The following CBFA2T2 variants were observed in gnomAD, a reference collection of about 807,000 sequenced individuals.
The protein encoded by CBFA2T2 is protein CBFA2T2.
In CBFA2T2, 11 loss-of-function variants were observed where a neutral mutation model predicts 62.2. The ratio of observed to expected loss-of-function variants is 0.18; its 90% CI spans 0.11 to 0.29. The LOEUF (loss-of-function observed/expected upper bound fraction) is 0.29. Among genes scored for constraint, CBFA2T2 ranks in the 10% least tolerant of loss-of-function variants. The pLI, the probability that CBFA2T2 is intolerant of heterozygous loss-of-function variation, is 1.00. For missense variants in CBFA2T2, 592 were observed against 774.1 expected, an observed-to-expected ratio of 0.76 and a Z score of 2.79; for synonymous variants, 295 against 287.5, an observed-to-expected ratio of 1.03 and a Z score of -0.27.
chr20:33,583,521 T>C (rs1237487756), intron 1 of CBFA2T2, among the ~76,000 whole-genome samples: 1 of 152,256 alleles, frequency 6.6e-6, no homozygotes, highest in Non-Finnish European at 1.5e-5. Context: ...TGGGGCTTTT[T>C]TTCCCTTTAA....
chr20:33,571,489 A>G (rs2146903143), intron 1 of CBFA2T2, among the ~76,000 whole-genome samples: 1 of 152,346 alleles, frequency 6.6e-6, no homozygotes, highest in East Asian at 1.9e-4. Context: ...CTTTAAGTAC[A>G]GAAGTCTTAG....
intron 1 of CBFA2T2, among the ~76,000 whole-genome samples, chr20:33,532,625 T>C (rs1462695078): frequency 6.6e-6 from 1 of 152,190 alleles, no homozygotes; most frequent in African/African-American, 2.4e-5. Flanking sequence ...GTTAGATCCT[T>C]TTAACATTTC....
intron 1 of CBFA2T2, among the ~76,000 whole-genome samples, chr20:33,529,785 C>CTTT (rs202192301): frequency 3.9e-5 from 3 of 76,486 alleles, no homozygotes; most frequent in African/African-American, 1.4e-4. Flanking sequence ...ATATATATTT[C>CTTT]TTTTTTTTTT....
intron 1 of CBFA2T2, among the ~76,000 whole-genome samples, chr20:33,577,639 T>C (rs2013890673): frequency 6.6e-6 from 1 of 152,224 alleles, no homozygotes; most frequent in African/African-American, 2.4e-5. Flanking sequence ...AAATTCTTGG[T>C]CACAATGTGC....
At chr20:33,585,019 T>G (rs2014303935) in intron 1 of CBFA2T2, among the ~76,000 whole-genome samples, 1 of 152,160 alleles carries the variant, frequency 6.6e-6, no homozygotes, top group Admixed American at 6.6e-5. Context: ...GGTTTAGGGC[T>G]TCTGACCTCA....
At chr20:33,516,730 T>G (rs2011604918) in intron 1 of CBFA2T2, among the ~76,000 whole-genome samples, 1 of 152,266 alleles carries the variant, frequency 6.6e-6, no homozygotes, top group African/African-American at 2.4e-5. Flanking sequence ...TTTCAGGCTT[T>G]TTGGTATACC....
chr20:33,636,859 G>A (rs1327058489), intron 9 of CBFA2T2, 151 bp downstream of exon 9: 5 of 589,156 alleles, frequency 8.5e-6, no homozygotes, highest in Non-Finnish European at 1.5e-5. Flanking sequence ...TCCTGCTCTG[G>A]CTTGTCCTGC....
intron 1 of CBFA2T2, among the ~76,000 whole-genome samples, chr20:33,527,805 AAATG>A (rs1430141965): frequency 2.0e-5 from 3 of 152,036 alleles, no homozygotes; most frequent in African/African-American, 7.2e-5. Context: ...TGGCCTCCCA[AAATG>A]CTAGGATTAG....
At chr20:33,610,307 C>T (rs1182086015) in intron 2 of CBFA2T2, among the ~76,000 whole-genome samples, 2 of 151,746 alleles carry the variant, frequency 1.3e-5, no homozygotes, top group South Asian at 4.2e-4. Flanking sequence ...GACCCTGCCT[C>T]AAAAAAACAA....
At chr20:33,607,251 T>C (rs995197428) in intron 2 of CBFA2T2, 152 bp downstream of exon 2, 1 of 620,250 alleles carries the variant, frequency 1.6e-6, no homozygotes, top group African/African-American at 1.9e-5. Context: ...TTGTTTCTTT[T>C]ATAAATTACT....
chr20:33,592,095 G>T (rs1311116338), intron 1 of CBFA2T2, among the ~76,000 whole-genome samples: 1 of 152,122 alleles, frequency 6.6e-6, no homozygotes, highest in Non-Finnish European at 1.5e-5. Flanking sequence ...GGGCCCAGTG[G>T]CTCATGCCTG....
At chr20:33,515,370 AAGT>A (rs1359383601) in intron 1 of CBFA2T2, among the ~76,000 whole-genome samples, 1 of 149,228 alleles carries the variant, frequency 6.7e-6, no homozygotes, top group African/African-American at 2.5e-5. Flanking sequence ...AAAAAAAAAA[AAGT>A]GTGGCACTGC....
Position 33,629,762 on chromosome 20 carries a change from C to G in CBFA2T2, c.1076C>G (p.Ser359Cys). 2 of 1,614,078 alleles carry G rather than the reference C, an allele frequency of 1.2e-6. No individual in the cohort carries two copies. Among genetic ancestry groups the G allele is most frequent in the South Asian group, 1.1e-5 (1 of 91,072 alleles). ...IMEMVEKTRR[S>C]MAVLRRCQES... ...GAAATGGTAGAGAAAACAAGGCGCT[C>G]TATGGCAGTTCTGCGGCGCTGTCAG... Residue 359 changes from serine to cysteine, a missense_variant, in exon 8 of 11, where the codon TCT becomes TGT. Physicochemically the swap from Ser to Cys is moderately radical, Grantham distance 112. Transcript: ENST00000342704.
chr20:33,539,928 C>T (rs1600946287), intron 1 of CBFA2T2, among the ~76,000 whole-genome samples: 1 of 152,034 alleles, frequency 6.6e-6, no homozygotes, highest in East Asian at 1.9e-4. Flanking sequence ...CCAAAGGCCT[C>T]CTCAAGTGCT....
intron 1 of CBFA2T2, among the ~76,000 whole-genome samples, chr20:33,503,849 CT>C (rs75121938): frequency 2.0e-3 from 289 of 141,960 alleles, no homozygotes; most frequent in Middle Eastern, 3.6e-3. Context: ...ATCAAATTTA[CT>C]TTTTTTTTTT....
chr20:33,541,026 G>GT (rs770963366), intron 1 of CBFA2T2, among the ~76,000 whole-genome samples: 4 of 152,188 alleles, frequency 2.6e-5, no homozygotes, highest in Non-Finnish European at 5.9e-5. Flanking sequence ...GAGAGGTAAA[G>GT]TTTAAGATGC....
At chr20:33,550,662 G>T (rs973477349) in intron 1 of CBFA2T2, among the ~76,000 whole-genome samples, 1 of 151,360 alleles carries the variant, frequency 6.6e-6, no homozygotes, top group African/African-American at 2.4e-5. Flanking sequence ...CGCTGTTTTC[G>T]CCCAGGCTGG....
intron 10 of CBFA2T2, among the ~76,000 whole-genome samples, chr20:33,643,760 T>C (rs2016935458): frequency 1.0e-3 from 1 of 964 alleles, no homozygotes; most frequent in African/African-American, 7.8e-3. Flanking sequence ...CTACTATATA[T>C]ATATATATAT....
rs778133366 is a variant in CBFA2T2 at position 33,494,241 on chromosome 20, G to GTA, written c.34+3941_34+3942insAT. ...TGTACTATGTATTAGGCATATATAT[G>GTA]TGTATATATATATATATATATATAT... On this transcript the variant is annotated intron_variant, in intron 1 of 10. Transcript: ENST00000342704. Among the ~76,000 whole-genome samples the GTA allele has an allele frequency of 1.5e-3, 61 of 41,898 alleles. 5 individuals carry two copies. The highest frequency in any genetic ancestry group is 0.029 in the Middle Eastern group (1 of 34). 27.5% of individuals were successfully genotyped at this position (41,898 alleles called of 152,430 possible). A position where few individuals can be genotyped will look rare whatever the true frequency, so the allele number is the denominator to read the frequency against.
Sources: gnomAD v4.1 joint callset for allele counts (sites outside exome capture counted in the v4.1 genomes callset) on GRCh38, gnomAD v4.1.1 for gene constraint, MANE v1.5 for transcripts, NCBI Gene and HGNC (gene_info 2026-07-23, HGNC 2026-07-21) for gene names.